SERPINA11: variants seen among roughly 807,000 people sequenced by gnomAD.
SERPINA11 encodes serpin A11.
A neutral mutation model predicts 29.4 loss-of-function variants in SERPINA11; 28 were observed. That is an observed-to-expected ratio of 0.95 (90% CI 0.70 to 1.30). SERPINA11 has a LOEUF of 1.30. Among genes scored for constraint, SERPINA11 ranks in the 50% most tolerant of loss-of-function variants. The pLI, the probability that SERPINA11 is intolerant of heterozygous loss-of-function variation, is 0.00. For synonymous variants in SERPINA11, 253 were observed against 206.6 expected (o/e 1.22, Z -1.92); for missense variants, 530 against 507.3 (o/e 1.04, Z -0.43).
chr14:94,450,467 G>A (rs533244081), intron 1 of SERPINA11, among the ~76,000 whole-genome samples: 35 of 152,264 alleles, frequency 2.3e-4, no homozygotes, highest in Admixed American at 3.9e-4. Flanking sequence ...CGAGGAAAGC[G>A]AAAGATGGCC....
intron 1 of SERPINA11, among the ~76,000 whole-genome samples, chr14:94,451,164 G>C (rs1162073532): frequency 6.6e-6 from 1 of 152,238 alleles, no homozygotes; most frequent in Non-Finnish European, 1.5e-5. Flanking sequence ...TGCTGCGACA[G>C]TGAAAGAGAG....
rs35936663 is a variant in SERPINA11 at position 94,449,501 on chromosome 14, C to CTTTT, written c.-3-725_-3-724insAAAA. On this transcript the variant is annotated intron_variant, in intron 1 of 4. Coordinates refer to ENST00000334708, the MANE Select transcript of SERPINA11 (RefSeq NM_001080451.2). ...TCTTTCTGTCTGTCTGTCTTTCTTT[C>CTTTT]TCTTTCTTTTTCTTTCTTTCTTTCT... Among the ~76,000 whole-genome samples the CTTTT allele has an allele frequency of 2.1e-4, 24 of 115,050 alleles. 1 individual carries two copies. The highest frequency in any genetic ancestry group is 9.6e-4 in the African/African-American group (22 of 22,988). 75.5% of individuals were successfully genotyped at this position (115,050 alleles called of 152,430 possible).
Position 94,443,245 on chromosome 14 carries a change from G to A in SERPINA11, c.918-20C>T, listed in dbSNP as rs776296393. On this transcript the variant is annotated intron_variant, in intron 3 of 4. Coordinates refer to ENST00000334708, the MANE Select transcript of SERPINA11 (RefSeq NM_001080451.2). ...AACAGACTGGAGAGAGAAACAGACA[G>A]AGAAATGGTGCTCTCTTGTTAATAT... 1.1e-4 allele frequency: 183 copies of A among 1,606,460 alleles called. No homozygotes were observed. Among genetic ancestry groups the A allele is most frequent in the Non-Finnish European group, 1.5e-4 (173 of 1,176,492 alleles).
rs376140366 is a variant in SERPINA11, at chr14:94,442,498, T to G, written c.*108A>C. Reference sequence around the variant, plus strand: ...CCCAAGGTCAACTTTATTAGAATCTTGGCACACTGATTAACTGAACCACAT... The same window carrying G: ...CCCAAGGTCAACTTTATTAGAATCTGGGCACACTGATTAACTGAACCACAT... On this transcript the variant is annotated 3_prime_UTR_variant, in exon 5 of 5. Coordinates refer to ENST00000334708, the MANE Select transcript of SERPINA11 (RefSeq NM_001080451.2). 35 of 755,670 alleles carry G rather than the reference T, an allele frequency of 4.6e-5. No homozygotes were observed. In the East Asian group the frequency reaches 5.2e-4, roughly 11 times the overall value. The allele number at this position is 755,670 out of a possible 1,614,324, so 46.8% of individuals were successfully genotyped here. A position where few individuals can be genotyped will look rare whatever the true frequency, so the allele number is the denominator to read the frequency against.
In SERPINA11 at chr14:94,446,657, C is replaced by T. The variant is rs1898445798; in HGVS notation, c.644-53G>A. Reference sequence around the variant, plus strand: ...GAGAACTCTTTTCAAGAGAGCAACTCTGGGTAGACACACACAAAACCACAG... The same window carrying T: ...GAGAACTCTTTTCAAGAGAGCAACTTTGGGTAGACACACACAAAACCACAG... On this transcript the variant is annotated intron_variant, in intron 2 of 4. Transcript: ENST00000334708. 3 of 1,534,496 alleles carry T rather than the reference C, an allele frequency of 2.0e-6. No individual in the cohort carries two copies. The South Asian group carries it at 3.8e-5, about 19-fold the overall frequency.
At chr14:94,451,999 G>A (rs1263939594) in intron 1 of SERPINA11, among the ~76,000 whole-genome samples, 1 of 152,178 alleles carries the variant, frequency 6.6e-6, no homozygotes, top group Non-Finnish European at 1.5e-5. Flanking sequence ...ACTGGCTCCT[G>A]ACAAAGGCAG....
intron 2 of SERPINA11, 140 bp downstream of exon 2, chr14:94,447,992 G>T: frequency 2.5e-6 from 2 of 797,962 alleles, no homozygotes; most frequent in Non-Finnish European, 4.0e-6. Flanking sequence ...CATGGACTGT[G>T]GCTACGCAAG....
chr14:94,449,449 C>CTT (rs1295801556), intron 1 of SERPINA11, among the ~76,000 whole-genome samples: 1 of 112,146 alleles, frequency 8.9e-6, no homozygotes, highest in Non-Finnish European at 1.7e-5. Flanking sequence ...TTCTTTCTTT[C>CTT]TTTCTTTCTT....
Position 94,448,387 on chromosome 14 carries a change from T to C in SERPINA11, c.388A>G (p.Ser130Gly), listed in dbSNP as rs1898489060. The C allele has an allele frequency of 1.9e-6, 3 of 1,614,004 alleles. No homozygotes were observed. Among genetic ancestry groups the C allele is most frequent in the African/African-American group, 1.3e-5 (1 of 74,892 alleles). Residue 130 changes from serine (S) to glycine (G), a missense_variant, in exon 2 of 5, where the codon AGC (serine) becomes GGC (glycine). Physicochemically the swap from Ser to Gly is moderately conservative, Grantham distance 56. Transcript: ENST00000334708. ...RSLLHTLALP[S>G]PKLELKVGNS... is the part of the protein sequence containing the mutation. ...CCTACTTTTAGTTCGAGTTTGGGGCTGGGCAGGGCAAGGGTGTGGAGGAGG... is the reference window on the plus strand; with the variant it reads ...CCTACTTTTAGTTCGAGTTTGGGGCCGGGCAGGGCAAGGGTGTGGAGGAGG...
intron 3 of SERPINA11, among the ~76,000 whole-genome samples, chr14:94,444,050 A>G (rs1408338636): frequency 1.3e-5 from 2 of 151,984 alleles, no homozygotes; most frequent in African/African-American, 2.4e-5. Flanking sequence ...GGCTGGTTTG[A>G]CTCCTGGGCA....
At chr14:94,446,723 T>A (rs1219281937) in intron 2 of SERPINA11, 119 bp from the exon 3 acceptor site, 1 of 1,009,592 alleles carries the variant, frequency 9.9e-7, no homozygotes, top group South Asian at 1.6e-5. Flanking sequence ...AAATGTGGAA[T>A]GGTTACAGAG....
Position 94,442,767 on chromosome 14 carries a change from C to G in SERPINA11, c.1108G>C (p.Glu370Gln), listed in dbSNP as rs764882095. ...AMVDMSEKGTEAGAASGLLSQ... is the reference protein window; with the variant it reads ...AMVDMSEKGTQAGAASGLLSQ... ...AGGAGGCCTGAAGCAGCCCCGGCCT[C>G]GGTCCCCTTCTCACTCATGTCCACC... is the stretch of plus-strand genomic sequence containing the variant. Residue 370 changes from glutamate (E) to glutamine (Q), a missense_variant, in exon 5 of 5, where the codon GAG (glutamate) becomes CAG (glutamine). Physicochemically the swap from Glu to Gln is conservative, Grantham distance 29. Transcript: ENST00000334708. 3.7e-6 allele frequency: 6 copies of G among 1,612,658 alleles called. No individual in the cohort carries two copies.
intron 1 of SERPINA11, among the ~76,000 whole-genome samples, chr14:94,449,390 CTCTTTCTTTCTTTCTATTCTT>C (rs1243978486): frequency 0.11 from 10,453 of 96,254 alleles, 918 homozygotes; most frequent in Middle Eastern, 0.13. Context: ...GCCTCCCTCC[CTCTTTCTTTCTTTCTATTCTT>C]TCTTTCTTTC....
intron 2 of SERPINA11, among the ~76,000 whole-genome samples, 183 bp from the exon 3 acceptor site, chr14:94,446,787 T>C (rs1364680931): frequency 2.0e-5 from 3 of 152,202 alleles, no homozygotes; most frequent in Non-Finnish European, 4.4e-5. Flanking sequence ...TCACCAGTGT[T>C]TGAGCACTAA....
intron 3 of SERPINA11, among the ~76,000 whole-genome samples, chr14:94,444,838 C>T (rs1053446337): frequency 6.6e-6 from 1 of 152,146 alleles, no homozygotes; most frequent in African/African-American, 2.4e-5. Flanking sequence ...GGCATCTATG[C>T]ACCCTCCCCT....
At chr14:94,449,973 G>A (rs910822371) in intron 1 of SERPINA11, among the ~76,000 whole-genome samples, 7 of 152,152 alleles carry the variant, frequency 4.6e-5, no homozygotes, top group Admixed American at 3.3e-4. Flanking sequence ...CTTTCCAGTC[G>A]TTCATTAGCT....
rs114788552 is a variant in SERPINA11 at position 94,446,581 on chromosome 14, G to A, written c.667C>T (p.Arg223Cys). 107 of 1,613,970 alleles carry A rather than the reference G, an allele frequency of 6.6e-5. No individual in the cohort carries two copies. In the African/African-American group the frequency reaches 9.6e-4, roughly 14 times the overall value. The stretch of plus-strand genomic sequence containing the variant: ...CTTTCCTGCTTCTGGGTCTGGTAGC[G>A]ACTGAAAGGGTGCTTCCACTTGGCT... ...FKAKWKHPFS[R>C]YQTQKQESFF... The change falls in exon 3 of 5, where the codon CGC (arginine) becomes TGC (cysteine). Residue 223 changes from arginine to cysteine, a missense_variant. Physicochemically the swap from Arg to Cys is radical, Grantham distance 180 (BLOSUM62 -3). Coordinates refer to ENST00000334708, the MANE Select transcript of SERPINA11 (RefSeq NM_001080451.2).
At chr14:94,443,324 C>T in intron 3 of SERPINA11, 99 bp from the exon 4 acceptor site, 1 of 1,219,962 alleles carries the variant, frequency 8.2e-7, no homozygotes, top group Non-Finnish European at 1.1e-6. Flanking sequence ...AGAGGCATTT[C>T]CCAGCGTGAG....
At chr14:94,447,952 G>A (rs566702954) in intron 2 of SERPINA11, among the ~76,000 whole-genome samples, 180 bp downstream of exon 2, 1 of 152,336 alleles carries the variant, frequency 6.6e-6, no homozygotes, top group South Asian at 2.1e-4. Flanking sequence ...CCATCCCACT[G>A]AGTTATTTTC....
Sources: allele counts gnomAD v4.1 joint callset (sites outside exome capture counted in the v4.1 genomes callset), GRCh38; gene constraint gnomAD v4.1.1; transcripts MANE v1.5; gene names NCBI Gene and HGNC (gene_info 2026-07-23, HGNC 2026-07-21).